Variants in VPS41 observed in about 807,000 individuals in gnomAD.
VPS41 encodes the protein vacuolar protein sorting-associated protein 41 homolog.
In VPS41, 85 loss-of-function variants were observed where a neutral mutation model predicts 130.9. The ratio of observed to expected loss-of-function variants is 0.65; its 90% confidence interval spans 0.55 to 0.78. The LOEUF is 0.78. VPS41 is among the 30% of genes least tolerant of loss of function. The probability of loss-of-function intolerance (pLI) is 0.00; values close to 1 mark genes in which losing one functional copy is unlikely to be tolerated. For missense variants in VPS41, 874 were observed against 1,018.7 expected, an observed-to-expected ratio of 0.86 and a Z score of 1.93; for synonymous variants, 335 against 332.9, an observed-to-expected ratio of 1.01 and a Z score of -0.07.
chr7:38,724,997 C>G lies in VPS41; in HGVS notation c.*1249G>C. ...CATTTTGCTTTCTTTATCTGTAAAC[C>G]TAGGTTTATCAGATCTTCTTCCTGG... On this transcript the variant is annotated 3_prime_UTR_variant, in exon 29 of 29. Coordinates refer to ENST00000310301, the MANE Select transcript of VPS41 (RefSeq NM_014396.4). 6.6e-6 allele frequency: 1 copy of G among 152,160 alleles called. No individual in the cohort carries two copies. Among genetic ancestry groups the G allele is most frequent in the East Asian group, 1.9e-4 (1 of 5,192 alleles). The allele number at this position is 152,160 out of a possible 1,614,324, so 9.4% of individuals were successfully genotyped here. A position where few individuals can be genotyped will look rare whatever the true frequency, so the allele number is the denominator to read the frequency against.
intron 2 of VPS41, among the ~76,000 whole-genome samples, chr7:38,886,268 T>C (rs898898140): frequency 6.6e-6 from 1 of 152,182 alleles, no homozygotes; most frequent in African/African-American, 2.4e-5. Flanking sequence ...TAAGTGACTG[T>C]ACCTGGAGGA....
intron 23 of VPS41, among the ~76,000 whole-genome samples, 166 bp from the exon 24 acceptor site, chr7:38,743,708 T>A (rs145993450): frequency 1.0e-3 from 157 of 152,334 alleles, no homozygotes; most frequent in Non-Finnish European, 2.0e-3. Context: ...AAAATAAGTA[T>A]CTCCTATTTA....
intron 2 of VPS41, among the ~76,000 whole-genome samples, chr7:38,894,486 C>T (rs1786937344): frequency 6.6e-6 from 1 of 152,000 alleles, no homozygotes; most frequent in Admixed American, 6.6e-5. Context: ...CTCTCTAAGC[C>T]CTCAGGTTGA....
At chr7:38,828,124 G>T (rs1785315617) in intron 5 of VPS41, among the ~76,000 whole-genome samples, 3 of 152,090 alleles carry the variant, frequency 2.0e-5, no homozygotes, top group Non-Finnish European at 4.4e-5. Flanking sequence ...TTCCAACCCA[G>T]AATTTTATAC....
At chr7:38,836,120 T>C (rs766797816) in intron 4 of VPS41, among the ~76,000 whole-genome samples, 1 of 152,054 alleles carries the variant, frequency 6.6e-6, no homozygotes, top group African/African-American at 2.4e-5. Context: ...CCATTTAGCA[T>C]TGGCTTAGTT....
At chr7:38,742,676 G>A (rs1795904540) in intron 24 of VPS41, among the ~76,000 whole-genome samples, 1 of 151,060 alleles carries the variant, frequency 6.6e-6, no homozygotes. Context: ...TTACAAGTGA[G>A]ATTCTTTATA....
chr7:38,841,805 T>C (rs551888128), intron 4 of VPS41, among the ~76,000 whole-genome samples: 3 of 152,212 alleles, frequency 2.0e-5, no homozygotes, highest in African/African-American at 7.2e-5. Flanking sequence ...GGTTTCACCA[T>C]GTTGGTCAGG....
intron 4 of VPS41, among the ~76,000 whole-genome samples, chr7:38,860,281 T>C (rs1475402242): frequency 2.6e-5 from 4 of 152,208 alleles, no homozygotes; most frequent in African/African-American, 9.6e-5. Context: ...TACACATGTA[T>C]AGGTGCTTGT....
intron 21 of VPS41, 43 bp from the exon 22 acceptor site, chr7:38,752,356 A>C: frequency 1.9e-6 from 3 of 1,610,886 alleles, no homozygotes; most frequent in Non-Finnish European, 2.5e-6. Context: ...TAAAATGAGA[A>C]AAGCAATACC....
intron 17 of VPS41, among the ~76,000 whole-genome samples, chr7:38,761,526 G>T (rs189871556): frequency 6.6e-6 from 1 of 150,540 alleles, no homozygotes; most frequent in East Asian, 1.9e-4. Context: ...CTTGTGATCC[G>T]CCCGCCTCAG....
At chr7:38,893,661 A>G (rs1786914273) in intron 2 of VPS41, among the ~76,000 whole-genome samples, 1 of 152,230 alleles carries the variant, frequency 6.6e-6, no homozygotes, top group East Asian at 1.9e-4. Context: ...GCCACAACCA[A>G]TTATTACTGT....
intron 4 of VPS41, among the ~76,000 whole-genome samples, chr7:38,836,062 C>T (rs535756601): frequency 1.1e-3 from 169 of 151,942 alleles, no homozygotes; most frequent in African/African-American, 4.0e-3. Context: ...AATATGTGTC[C>T]TTCAAAGCTA....
Position 38,820,625 on chromosome 7 carries a change from T to G in VPS41, c.384+578A>C, listed in dbSNP as rs377283199. 5.3e-3 allele frequency among the ~76,000 whole-genome samples: 800 copies of G among 152,374 alleles called. 2 individuals are homozygous for G. The highest frequency in any genetic ancestry group is 8.5e-3 in the Non-Finnish European group (579 of 68,030). On this transcript the variant is annotated intron_variant, in intron 6 of 28. Transcript: ENST00000310301. ...TGGAGTCCAAATTCTTCAGCCTGAA[T>G]GTAAAGCCAGCCCAATCTTCCTTCA... is the stretch of plus-strand genomic sequence containing the variant.
Position 38,855,603 on chromosome 7 carries a change from T to C in VPS41, c.246+6942A>G, listed in dbSNP as rs534118398. On this transcript the variant is annotated intron_variant, in intron 4 of 28. Transcript: ENST00000310301. ...AGGGAAGTGCCCTAATAAGAATGTTTCGCTACATAAGGGAGGTCTTGAATG... is the reference window on the plus strand; with the variant it reads ...AGGGAAGTGCCCTAATAAGAATGTTCCGCTACATAAGGGAGGTCTTGAATG... 8.9e-4 allele frequency among the ~76,000 whole-genome samples: 136 copies of C among 152,260 alleles called. 2 individuals carry two copies. The Middle Eastern group carries it at 0.017, about 19-fold the overall frequency.
chr7:38,872,002 T>C (rs113307892), intron 2 of VPS41, among the ~76,000 whole-genome samples: 1 of 152,158 alleles, frequency 6.6e-6, no homozygotes, highest in African/African-American at 2.4e-5. Flanking sequence ...TATGTATTCG[T>C]TTACAGTTTC....
intron 7 of VPS41, among the ~76,000 whole-genome samples, chr7:38,813,007 T>C (rs1448497008): frequency 1.3e-5 from 2 of 152,190 alleles, no homozygotes; most frequent in South Asian, 2.1e-4. Context: ...AGAGTTACTA[T>C]ATGATTCAAC....
chr7:38,880,932 C>T lies in VPS41; in HGVS notation c.61-11679G>A, dbSNP rs1361931110. Among the ~76,000 whole-genome samples the T allele has an allele frequency of 2.8e-4, 42 of 152,192 alleles. 1 individual carries two copies. The highest frequency in any genetic ancestry group is 2.7e-3 in the Admixed American group (41 of 15,286). ...CAGCTCCCCACAGTATTAGCAGTTT[C>T]GTCACAACCATTTTCTGTATGTTCT... On this transcript the variant is annotated intron_variant, in intron 2 of 28. Coordinates refer to ENST00000310301, the MANE Select transcript of VPS41 (RefSeq NM_014396.4).
chr7:38,798,866 C>T (rs1784671694), intron 7 of VPS41, among the ~76,000 whole-genome samples: 1 of 151,960 alleles, frequency 6.6e-6, no homozygotes, highest in Admixed American at 6.6e-5. Flanking sequence ...AAATATGCTC[C>T]AAATTTTAAG....
At chr7:38,841,475 C>T (rs1300853538) in intron 4 of VPS41, among the ~76,000 whole-genome samples, 1 of 152,200 alleles carries the variant, frequency 6.6e-6, no homozygotes, top group Non-Finnish European at 1.5e-5. Flanking sequence ...GGGGAAGGGT[C>T]ACCAAAGCTT....
Sources: gnomAD v4.1 joint callset for allele counts (sites outside exome capture counted in the v4.1 genomes callset) on GRCh38, gnomAD v4.1.1 for gene constraint, MANE v1.5 for transcripts, NCBI Gene and HGNC (gene_info 2026-07-23, HGNC 2026-07-21) for gene names.